Variants in SLCO1B1 observed in about 807,000 individuals in gnomAD.
SLCO1B1 encodes the protein OATP-2.
A neutral mutation model predicts 70.1 loss-of-function variants in SLCO1B1; 81 were observed. The ratio of observed to expected loss-of-function variants is 1.16; its 90% CI spans 0.97 to 1.39. The LOEUF is 1.39. SLCO1B1 is among the 40% of genes most tolerant of loss of function. SLCO1B1 has a pLI of 0.00. For missense variants in SLCO1B1, 895 were observed against 799.6 expected (o/e 1.12, Z -1.44); for synonymous variants, 283 against 271.5 (o/e 1.04, Z -0.42).
chr12:21,214,920 G>A (rs1941339806), intron 11 of SLCO1B1, among the ~76,000 whole-genome samples: 3 of 151,926 alleles, frequency 2.0e-5, no homozygotes, highest in Admixed American at 2.0e-4. Flanking sequence ...CCCTGCTTCG[G>A]CTCACGCACG....
intron 12 of SLCO1B1, among the ~76,000 whole-genome samples, 179 bp from the exon 13 acceptor site, chr12:21,222,120 AT>A (rs1428535746): frequency 6.6e-6 from 1 of 151,830 alleles, no homozygotes; most frequent in East Asian, 1.9e-4. Context: ...GGGAATAATT[AT>A]TATTATTGCT....
At chr12:21,143,120 C>A (rs187825488) in intron 2 of SLCO1B1, among the ~76,000 whole-genome samples, 12 of 152,086 alleles carry the variant, frequency 7.9e-5, no homozygotes, top group Non-Finnish European at 1.6e-4. Context: ...AATCATTTTA[C>A]AATAATTCTG....
chr12:21,181,767 A>T (rs1022149576), intron 7 of SLCO1B1, among the ~76,000 whole-genome samples: 1 of 152,140 alleles, frequency 6.6e-6, no homozygotes, highest in African/African-American at 2.4e-5. Context: ...CCACTTATGC[A>T]CAGACTTTTT....
intron 2 of SLCO1B1, among the ~76,000 whole-genome samples, chr12:21,156,224 G>A (rs1940540911): frequency 6.6e-6 from 1 of 151,706 alleles, no homozygotes; most frequent in South Asian, 2.1e-4. Context: ...AACAACATTA[G>A]GTAAATGATT....
intron 7 of SLCO1B1, among the ~76,000 whole-genome samples, chr12:21,185,220 T>C (rs192631146): frequency 6.6e-6 from 1 of 152,136 alleles, no homozygotes; most frequent in Non-Finnish European, 1.5e-5. Context: ...AAAATTAAAA[T>C]GTAAATTTTG....
chr12:21,174,538 G>T, intron 3 of SLCO1B1, 39 bp from the exon 4 acceptor site: 1 of 1,606,142 alleles, frequency 6.2e-7, no homozygotes, highest in South Asian at 1.1e-5. Flanking sequence ...ACGCAAAATT[G>T]AACTAAGCTG....
At chr12:21,171,609 G>T (rs1940756835) in intron 2 of SLCO1B1, among the ~76,000 whole-genome samples, 1 of 152,128 alleles carries the variant, frequency 6.6e-6, no homozygotes, top group Non-Finnish European at 1.5e-5. Context: ...TAGGCATGGT[G>T]GTGGAAACCA....
chr12:21,178,891 A>G, intron 6 of SLCO1B1, 31 bp from the exon 7 acceptor site: 2 of 1,493,332 alleles, frequency 1.3e-6, no homozygotes, highest in South Asian at 1.1e-5. Context: ...CATTCTTGGC[A>G]TCTAGTAAAA....
intron 11 of SLCO1B1, among the ~76,000 whole-genome samples, chr12:21,207,649 G>T (rs1232791408): frequency 6.6e-6 from 1 of 151,856 alleles, no homozygotes; most frequent in Non-Finnish European, 1.5e-5. Context: ...TTTTCCTTTG[G>T]GTATATACCC....
rs577807248 is a variant in SLCO1B1 at position 21,148,276 on chromosome 12, A to G, written c.84+6618A>G. On this transcript the variant is annotated intron_variant, in intron 2 of 14. Coordinates refer to ENST00000256958, the MANE Select transcript of SLCO1B1 (RefSeq NM_006446.5). ...GCTTTTTGTGTTTTAGTCATGAAGTATTTGTCCATGCCTATGTCCTGAATG... is the reference window on the plus strand; with the variant it reads ...GCTTTTTGTGTTTTAGTCATGAAGTGTTTGTCCATGCCTATGTCCTGAATG... 2.0e-5 allele frequency among the ~76,000 whole-genome samples: 3 copies of G among 152,138 alleles called. No individual in the cohort carries two copies. The South Asian group carries it at 6.2e-4, about 32-fold the overall frequency.
Position 21,174,698 on chromosome 12 carries a change from C to T in SLCO1B1, c.348C>T (p.Phe116=). ...GTGTTTTGACTGCTTTGCCACATTT[C>T]TTCATGGGATAGTAAGTGTTAAAAA... ...IGGVLTALPH[F]FMGYYRYSKE... The change falls in exon 4 of 15, where the codon TTC becomes TTT. Residue 116 remains phenylalanine (F), a synonymous_variant. Coordinates refer to ENST00000256958, the MANE Select transcript of SLCO1B1 (RefSeq NM_006446.5). 1.2e-6 allele frequency: 2 copies of T among 1,601,540 alleles called. No homozygotes were observed.
chr12:21,201,668 A>C (rs992161562), intron 9 of SLCO1B1, among the ~76,000 whole-genome samples: 4 of 152,132 alleles, frequency 2.6e-5, no homozygotes, highest in African/African-American at 9.7e-5. Flanking sequence ...CTTTAGATGA[A>C]GTTCCATAGG....
chr12:21,167,818 C>CT lies in SLCO1B1; in HGVS notation c.85-4816dup, dbSNP rs202063952. ...TATTTCTTTCTTTTTTCTTTCTTTT[C>CT]TTTTTTTTTTTTTTTTAAGATGGAG... On this transcript the variant is annotated intron_variant, in intron 2 of 14. Transcript: ENST00000256958. Among the ~76,000 whole-genome samples the CT allele has an allele frequency of 6.2e-3, 816 of 132,024 alleles. 12 individuals are homozygous for CT. In the East Asian group the frequency reaches 0.071, roughly 12 times the overall value. 86.6% of individuals were successfully genotyped at this position (132,024 alleles called of 152,430 possible).
In SLCO1B1 at chr12:21,202,690, TG is replaced by T; in HGVS notation, c.1331+5del. On this transcript the variant is annotated splice_donor_5th_base_variant and intron_variant, in intron 10 of 14. Transcript: ENST00000256958. Reference sequence around the variant, plus strand: ...GACTAACCATGACCTATGATGGGTTTGTATATATCACTATATCAATTGCATA... The same window carrying T: ...GACTAACCATGACCTATGATGGGTTTTATATATCACTATATCAATTGCATA... 1 of 1,602,770 alleles carries T rather than the reference TG, an allele frequency of 6.2e-7. No individual in the cohort carries two copies. Among genetic ancestry groups the T allele is most frequent in the Admixed American group, 1.7e-5 (1 of 59,856 alleles).
intron 2 of SLCO1B1, among the ~76,000 whole-genome samples, chr12:21,152,533 C>CTGTTTTTTT (rs1940484981): frequency 2.9e-5 from 1 of 34,358 alleles, no homozygotes; most frequent in Non-Finnish European, 5.2e-5. Context: ...AGAGGAGAGG[C>CTGTTTTTTT]TTTTTTTTTT....
At chr12:21,171,996 T>C (rs897650109) in intron 2 of SLCO1B1, among the ~76,000 whole-genome samples, 1 of 152,130 alleles carries the variant, frequency 6.6e-6, no homozygotes, top group Admixed American at 6.6e-5. Flanking sequence ...TTTCAACATA[T>C]AAATTTGAGG....
intron 7 of SLCO1B1, among the ~76,000 whole-genome samples, chr12:21,181,539 GTTATC>G (rs1174012272): frequency 1.3e-5 from 2 of 152,102 alleles, no homozygotes; most frequent in South Asian, 2.1e-4. Flanking sequence ...TCAAGTCAAT[GTTATC>G]TTATATTAGT....
At chr12:21,202,943 C>T (rs1329706435) in intron 10 of SLCO1B1, among the ~76,000 whole-genome samples, 1 of 151,954 alleles carries the variant, frequency 6.6e-6, no homozygotes, top group African/African-American at 2.4e-5. Flanking sequence ...GTAGTGGGTA[C>T]TTTTATCATT....
chr12:21,206,056 C>T, intron 11 of SLCO1B1, 23 bp downstream of exon 11: 3 of 1,594,446 alleles, frequency 1.9e-6, no homozygotes, highest in Non-Finnish European at 2.6e-6. Flanking sequence ...TTTTACTTTC[C>T]TCTCCTTATT....
Sources: allele counts gnomAD v4.1 joint callset (sites outside exome capture counted in the v4.1 genomes callset), GRCh38; gene constraint gnomAD v4.1.1; transcripts MANE v1.5; gene names NCBI Gene and HGNC (gene_info 2026-07-23, HGNC 2026-07-21).